The following EYS variants were observed in gnomAD, a reference collection of about 807,000 sequenced individuals.
The protein encoded by EYS is protein eyes shut homolog.
In EYS, 250 loss-of-function variants were observed where a neutral mutation model predicts 282.1. The observed-to-expected ratio is 0.89, with a 90% confidence interval of 0.80 to 0.98. The LOEUF is 0.98. Among genes scored for constraint, EYS ranks in the 50% least tolerant of loss-of-function variants. The pLI is 0.00. For synonymous variants in EYS, 1,355 were observed against 1,282.9 expected, an observed-to-expected ratio of 1.06 and a Z score of -1.20; for missense variants, 4,016 against 3,709.0, an observed-to-expected ratio of 1.08 and a Z score of -2.15.
chr6:65,688,325 A>T (rs977123222), intron 1 of EYS, among the ~76,000 whole-genome samples: 3 of 152,202 alleles, frequency 2.0e-5, no homozygotes, highest in African/African-American at 7.2e-5. Flanking sequence ...AAAAACAAGA[A>T]ATGGGAAAAG....
intron 36 of EYS, 44 bp from the exon 37 acceptor site, chr6:63,806,416 T>A (rs765245784): frequency 7.6e-6 from 11 of 1,453,396 alleles, no homozygotes. Context: ...AACCTGTACA[T>A]GTATTTGTAA....
rs76754818 is a variant in EYS at position 65,353,535 on chromosome 6, C to T, written c.1382G>A (p.Cys461Tyr). The change falls in exon 9 of 43, where the codon TGT (cysteine) becomes TAT (tyrosine). Residue 461 changes from cysteine to tyrosine, a missense_variant. Coordinates refer to ENST00000503581, the MANE Select transcript of EYS (RefSeq NM_001142800.2). ...VYLIHQHLCY[C>Y]GVTFHGICQD... is the part of the protein sequence containing the mutation. ...GCAAATACCATGGAAGGTGACTCCA[C>T]AGTAGCAGAGGTGTTGATGAATTAG... The T allele has an allele frequency of 5.1e-4, 819 of 1,612,910 alleles. 14 individuals are homozygous for T. The East Asian group carries it at 0.018, about 35-fold the overall frequency.
At chr6:65,070,013 G>T (rs1178678475) in intron 12 of EYS, among the ~76,000 whole-genome samples, 1 of 151,844 alleles carries the variant, frequency 6.6e-6, no homozygotes, top group Non-Finnish European at 1.5e-5. Context: ...TTAAACTCAA[G>T]TGATACACAC....
chr6:65,332,562 C>A, intron 11 of EYS: 1 of 630,398 alleles, frequency 1.6e-6, no homozygotes. Flanking sequence ...GTTTATAGTG[C>A]TATATAGAGG....
intron 31 of EYS, among the ~76,000 whole-genome samples, chr6:64,118,176 G>C (rs1339274508): frequency 2.6e-5 from 4 of 152,012 alleles, no homozygotes; most frequent in African/African-American, 9.7e-5. Context: ...ATTCTTCACA[G>C]AAATAGATAA....
In EYS at chr6:64,306,611, G is replaced by T. The variant is rs187092677; in HGVS notation, c.6191+359C>A. On this transcript the variant is annotated intron_variant, in intron 30 of 42. Transcript: ENST00000503581. Reference sequence around the variant, plus strand: ...GACAACTTTTTGAGAGTGATAATTTGGAAAAAGAATGTATTTTAGCACTCC... The same window carrying T: ...GACAACTTTTTGAGAGTGATAATTTTGAAAAAGAATGTATTTTAGCACTCC... 2.6e-5 allele frequency among the ~76,000 whole-genome samples: 4 copies of T among 152,184 alleles called. No individual in the cohort carries two copies. In the East Asian group the frequency reaches 7.7e-4, roughly 29 times the overall value.
chr6:64,022,772 C>T (rs969252547), intron 33 of EYS, among the ~76,000 whole-genome samples: 13 of 152,174 alleles, frequency 8.5e-5, no homozygotes, highest in Admixed American at 3.9e-4. Context: ...TTATTTAGAG[C>T]TTACCAGCTC....
At chr6:64,710,270 T>C (rs1018883264) in intron 22 of EYS, among the ~76,000 whole-genome samples, 10 of 152,316 alleles carry the variant, frequency 6.6e-5, no homozygotes, top group African/African-American at 2.4e-4. Context: ...CCACATGGCA[T>C]TTCATAGCTG....
intron 35 of EYS, among the ~76,000 whole-genome samples, chr6:63,974,075 G>A (rs1296747649): frequency 6.6e-6 from 1 of 152,002 alleles, no homozygotes; most frequent in Non-Finnish European, 1.5e-5. Flanking sequence ...TAAACCCAAA[G>A]CCAAAGGATT....
chr6:65,559,433 C>T (rs543058143), intron 2 of EYS, among the ~76,000 whole-genome samples: 103 of 152,042 alleles, frequency 6.8e-4, no homozygotes, highest in African/African-American at 2.4e-3. Flanking sequence ...TTGGCTACTC[C>T]CAATAGATTT....
chr6:64,373,862 T>C lies in EYS; in HGVS notation c.6078+14828A>G, dbSNP rs531918170. Among the ~76,000 whole-genome samples the C allele has an allele frequency of 3.9e-5, 6 of 152,188 alleles. No homozygotes were observed. The South Asian group carries it at 1.0e-3, about 26-fold the overall frequency. On this transcript the variant is annotated intron_variant, in intron 29 of 42. Coordinates refer to ENST00000503581, the MANE Select transcript of EYS (RefSeq NM_001142800.2). ...GGTGGGTCATGCACCCTGCTTTCCATGTTTCCTGGGACAATAGAAGCCGTG... is the reference window on the plus strand; with the variant it reads ...GGTGGGTCATGCACCCTGCTTTCCACGTTTCCTGGGACAATAGAAGCCGTG...
intron 5 of EYS, among the ~76,000 whole-genome samples, chr6:65,440,546 A>T (rs1257227819): frequency 6.6e-6 from 1 of 151,762 alleles, no homozygotes; most frequent in Admixed American, 6.6e-5. Flanking sequence ...TATTAATAGG[A>T]CGTGCAAGCT....
intron 31 of EYS, among the ~76,000 whole-genome samples, chr6:64,203,730 TATACCA>T (rs1765539891): frequency 6.6e-6 from 1 of 152,194 alleles, no homozygotes; most frequent in African/African-American, 2.4e-5. Context: ...ATTACAGAAC[TATACCA>T]ATAACAATAG....
chr6:65,623,068 T>A (rs1490847910), intron 2 of EYS, among the ~76,000 whole-genome samples: 1 of 152,170 alleles, frequency 6.6e-6, no homozygotes, highest in Non-Finnish European at 1.5e-5. Flanking sequence ...ATTCTCCTTT[T>A]TAATACCTTA....
rs531878873 is a variant in EYS at position 64,322,763 on chromosome 6, G to A, written c.6079-15681C>T. Among the ~76,000 whole-genome samples the A allele has an allele frequency of 4.6e-5, 7 of 152,184 alleles. No homozygotes were observed. The South Asian group carries it at 1.0e-3, about 23-fold the overall frequency. ...AGGTCAGCAAGGTTTCAAAGCAGCC[G>A]AAAGTTTATTCCATGGATATTTGCA... On this transcript the variant is annotated intron_variant, in intron 29 of 42. Transcript: ENST00000503581.
At chr6:63,864,161 A>G in intron 36 of EYS, 25 bp downstream of exon 36, 1 of 1,441,514 alleles carries the variant, frequency 6.9e-7, no homozygotes, top group Non-Finnish European at 9.2e-7. Flanking sequence ...TCTGTGCTCC[A>G]TGTTTAATAA....
intron 21 of EYS, among the ~76,000 whole-genome samples, chr6:64,814,840 T>C (rs967567182): frequency 3.3e-5 from 5 of 152,032 alleles, no homozygotes; most frequent in African/African-American, 1.2e-4. Flanking sequence ...TAATTCCATA[T>C]GCAAACATAA....
At chr6:65,415,864 G>A (rs1033767441) in intron 5 of EYS, among the ~76,000 whole-genome samples, 7 of 152,060 alleles carry the variant, frequency 4.6e-5, no homozygotes, top group Non-Finnish European at 2.9e-5. Flanking sequence ...TTTATGGGCA[G>A]TGTCTACGAA....
intron 22 of EYS, among the ~76,000 whole-genome samples, chr6:64,803,973 G>T (rs1279999494): frequency 1.3e-5 from 2 of 152,160 alleles, no homozygotes; most frequent in African/African-American, 2.4e-5. Context: ...AGCTGCGCCC[G>T]GGAGGGTAGG....
Sources: gnomAD v4.1 joint callset for allele counts (sites outside exome capture counted in the v4.1 genomes callset) on GRCh38, gnomAD v4.1.1 for gene constraint, MANE v1.5 for transcripts, NCBI Gene and HGNC (gene_info 2026-07-23, HGNC 2026-07-21) for gene names.